SPSB4: variants seen among roughly 807,000 people sequenced by gnomAD.
The protein encoded by SPSB4 is SPRY domain-containing SOCS box protein 4.
A neutral mutation model predicts 20.9 loss-of-function variants in SPSB4; 21 were observed. That is an observed-to-expected ratio of 1.01 (90% CI 0.71 to 1.45). The LOEUF (loss-of-function observed/expected upper bound fraction) is 1.45. Among genes scored for constraint, SPSB4 ranks in the 40% most tolerant of loss-of-function variants. The pLI, the probability that SPSB4 is intolerant of heterozygous loss-of-function variation, is 0.00. For missense variants in SPSB4, 399 were observed against 399.2 expected (o/e 1.00, Z 0.00); for synonymous variants, 207 against 183.8 (o/e 1.13, Z -1.02).
At chr3:141,138,642 G>T (rs1290440760) in intron 2 of SPSB4, among the ~76,000 whole-genome samples, 3 of 152,132 alleles carry the variant, frequency 2.0e-5, no homozygotes, top group Non-Finnish European at 2.9e-5. Context: ...CAATTGAGTG[G>T]TTTTGAGTGA....
chr3:141,129,405 GT>G (rs912962245), intron 2 of SPSB4, among the ~76,000 whole-genome samples: 3 of 152,196 alleles, frequency 2.0e-5, no homozygotes, highest in African/African-American at 7.2e-5. Flanking sequence ...GGAGCTTGGG[GT>G]TTCTCTGGGA....
chr3:141,073,676 A>G (rs1440165514), intron 2 of SPSB4, among the ~76,000 whole-genome samples: 7 of 152,232 alleles, frequency 4.6e-5, no homozygotes, highest in African/African-American at 1.7e-4. Context: ...CAGTAAATGC[A>G]TATTAATGTC....
chr3:141,081,129 T>C (rs1028391041), intron 2 of SPSB4, among the ~76,000 whole-genome samples: 1 of 152,240 alleles, frequency 6.6e-6, no homozygotes, highest in African/African-American at 2.4e-5. Flanking sequence ...ACTGTGGTGC[T>C]ACATCAGCTC....
At chr3:141,080,842 G>A (rs1162610596) in intron 2 of SPSB4, among the ~76,000 whole-genome samples, 1 of 152,236 alleles carries the variant, frequency 6.6e-6, no homozygotes, top group Non-Finnish European at 1.5e-5. Context: ...AACCTGAACT[G>A]AGTTGTACCC....
At chr3:141,121,723 A>G (rs1165833941) in intron 2 of SPSB4, among the ~76,000 whole-genome samples, 1 of 152,076 alleles carries the variant, frequency 6.6e-6, no homozygotes, top group African/African-American at 2.4e-5. Context: ...AAGCTTGTGC[A>G]TGTGTCACAA....
rs535572453 is a variant in SPSB4 at position 141,126,315 on chromosome 3, A to C, written c.695-20827A>C. ...CCTGAGGAGTGGCATTCACTGCAGCAGCCCAGGTCCCAGCCAGCCTTTCAT... is the reference window on the plus strand; with the variant it reads ...CCTGAGGAGTGGCATTCACTGCAGCCGCCCAGGTCCCAGCCAGCCTTTCAT... On this transcript the variant is annotated intron_variant, in intron 2 of 2. Coordinates refer to ENST00000310546, the MANE Select transcript of SPSB4 (RefSeq NM_080862.3). Among the ~76,000 whole-genome samples the C allele has an allele frequency of 1.1e-3, 174 of 152,266 alleles. 1 individual carries two copies. The highest frequency in any genetic ancestry group is 4.1e-3 in the African/African-American group (169 of 41,562).
At chr3:141,092,352 C>T (rs1938468995) in intron 2 of SPSB4, among the ~76,000 whole-genome samples, 1 of 152,214 alleles carries the variant, frequency 6.6e-6, no homozygotes, top group Admixed American at 6.5e-5. Context: ...AAAAGACTTC[C>T]AGGGTGAAAT....
At position 141,066,226 on chromosome 3, in the gene SPSB4, T is replaced by C; in HGVS notation, c.122T>C (p.Leu41Ser). Reference sequence around the variant, plus strand: ...CGGCCGGCGCGGCTGGACCAGCTGTTGGACATGCCAGCGGCGGGGCTGGCT... The same window carrying C: ...CGGCCGGCGCGGCTGGACCAGCTGTCGGACATGCCAGCGGCGGGGCTGGCT... ...PGRPARLDQL[L>S]DMPAAGLAVQ... The change falls in exon 2 of 3, where the codon TTG (leucine) becomes TCG (serine). Residue 41 changes from leucine (L) to serine (S), a missense_variant. Coordinates refer to ENST00000310546, the MANE Select transcript of SPSB4 (RefSeq NM_080862.3). 1.3e-6 allele frequency: 2 copies of C among 1,555,618 alleles called. No homozygotes were observed. The highest frequency in any genetic ancestry group is 8.7e-7 in the Non-Finnish European group (1 of 1,152,698).
intron 2 of SPSB4, among the ~76,000 whole-genome samples, chr3:141,145,759 A>T (rs114556009): frequency 6.6e-6 from 1 of 152,158 alleles, no homozygotes; most frequent in African/African-American, 2.4e-5. Flanking sequence ...TGTGACCACC[A>T]TCATCATCTT....
At chr3:141,095,911 G>A (rs1938540929) in intron 2 of SPSB4, among the ~76,000 whole-genome samples, 1 of 152,058 alleles carries the variant, frequency 6.6e-6, no homozygotes, top group Non-Finnish European at 1.5e-5. Flanking sequence ...AAGAGCACAG[G>A]TCTTCCTCAT....
intron 2 of SPSB4, among the ~76,000 whole-genome samples, chr3:141,101,868 T>C (rs1938617487): frequency 6.6e-6 from 1 of 152,246 alleles, no homozygotes; most frequent in South Asian, 2.1e-4. Context: ...CCTTGCTCAC[T>C]GGAGACTTGT....
chr3:141,064,145 C>T (rs1937818952), intron 1 of SPSB4, among the ~76,000 whole-genome samples: 1 of 152,232 alleles, frequency 6.6e-6, no homozygotes. Flanking sequence ...CTGGCTGGCT[C>T]TGCCAGCTTT....
At chr3:141,054,990 T>C (rs899997392) in intron 1 of SPSB4, among the ~76,000 whole-genome samples, 1 of 149,894 alleles carries the variant, frequency 6.7e-6, no homozygotes, top group African/African-American at 2.5e-5. Context: ...ATGCAAACCA[T>C]GCAGGAGGTA....
intron 2 of SPSB4, among the ~76,000 whole-genome samples, chr3:141,122,778 C>G (rs1938989333): frequency 6.6e-6 from 1 of 152,232 alleles, no homozygotes; most frequent in Non-Finnish European, 1.5e-5. Context: ...CCTGGTCTGC[C>G]TGTTGCAAAG....
Position 141,121,046 on chromosome 3 carries a change from G to T in SPSB4, c.695-26096G>T, listed in dbSNP as rs75557772. On this transcript the variant is annotated intron_variant, in intron 2 of 2. Coordinates refer to ENST00000310546, the MANE Select transcript of SPSB4 (RefSeq NM_080862.3). ...ACTTGGCATGTTTTTGCAGTGGCTG[G>T]TACAAGTTGTTCCCTTCCATGTTTA... is the stretch of plus-strand genomic sequence containing the variant. Among the ~76,000 whole-genome samples, 4 of 149,972 alleles carry T rather than the reference G, an allele frequency of 2.7e-5. No homozygotes were observed. The East Asian group carries it at 6.0e-4, about 22-fold the overall frequency.
At chr3:141,107,441 G>T (rs1938716485) in intron 2 of SPSB4, among the ~76,000 whole-genome samples, 1 of 152,158 alleles carries the variant, frequency 6.6e-6, no homozygotes, top group African/African-American at 2.4e-5. Flanking sequence ...AACAGAGTTG[G>T]GCCTGGCCTC....
At chr3:141,133,300 A>G (rs1362065336) in intron 2 of SPSB4, among the ~76,000 whole-genome samples, 3 of 152,190 alleles carry the variant, frequency 2.0e-5, no homozygotes, top group East Asian at 3.8e-4. Context: ...TAGTTTAATT[A>G]GGTCCCATCT....
chr3:141,134,039 TTTTTTTTTTCTTTTTTC>T (rs1939183143), intron 2 of SPSB4, among the ~76,000 whole-genome samples: 2 of 136,294 alleles, frequency 1.5e-5, no homozygotes, highest in African/African-American at 3.0e-5. Context: ...TCTTTTCTTT[TTTTTTTTTTCTTTTTTC>T]TTTTTTTTTT....
intron 2 of SPSB4, among the ~76,000 whole-genome samples, chr3:141,076,330 C>T (rs1350423109): frequency 1.3e-5 from 2 of 152,236 alleles, no homozygotes; most frequent in Admixed American, 1.3e-4. Flanking sequence ...CAAGTGACTC[C>T]ATGTATGTGC....
Sources: gnomAD v4.1 joint callset for allele counts (sites outside exome capture counted in the v4.1 genomes callset) on GRCh38, gnomAD v4.1.1 for gene constraint, MANE v1.5 for transcripts, NCBI Gene and HGNC (gene_info 2026-07-23, HGNC 2026-07-21) for gene names.